FOCAD: variants seen among roughly 807,000 people sequenced by gnomAD.
FOCAD encodes the protein focadhesin.
Under a neutral mutation model 225.6 loss-of-function variants are expected in FOCAD, and 198 were observed. That is an observed-to-expected ratio of 0.88 (90% CI 0.78 to 0.99). FOCAD has a LOEUF of 0.99. Among genes scored for constraint, FOCAD ranks in the 50% least tolerant of loss-of-function variants. FOCAD has a pLI of 0.00. For synonymous variants in FOCAD, 897 were observed against 755.0 expected, an observed-to-expected ratio of 1.19 and a Z score of -3.08; for missense variants, 2,713 against 2,123.6, an observed-to-expected ratio of 1.28 and a Z score of -5.46.
In FOCAD at chr9:20,738,374, T is replaced by C. The variant is rs746969142; in HGVS notation, c.288-1862T>C. 3.3e-5 allele frequency among the ~76,000 whole-genome samples: 5 copies of C among 152,216 alleles called. No individual in the cohort carries two copies. In the South Asian group the frequency reaches 8.3e-4, roughly 25 times the overall value. ...GTTACAGTGAGATTCACTGGCCATT[T>C]TGTGGGCCAAAGTACCATAGAATTG... On this transcript the variant is annotated intron_variant, in intron 4 of 43. Coordinates refer to ENST00000338382, the MANE Select transcript of FOCAD (RefSeq NM_001375567.1).
intron 11 of FOCAD, among the ~76,000 whole-genome samples, chr9:20,797,502 G>T (rs557826888): frequency 1.9e-3 from 286 of 152,100 alleles, no homozygotes; most frequent in Middle Eastern, 6.8e-3. Context: ...TTGAGCAGTG[G>T]TTTGTAGTTC....
intron 18 of FOCAD, among the ~76,000 whole-genome samples, chr9:20,868,626 T>C (rs1829492095): frequency 6.6e-6 from 1 of 152,108 alleles, no homozygotes; most frequent in African/African-American, 2.4e-5. Context: ...TTTCTATATA[T>C]GTTTGGGTTT....
chr9:20,980,339 G>A (rs541849288), intron 37 of FOCAD, among the ~76,000 whole-genome samples: 9 of 152,186 alleles, frequency 5.9e-5, no homozygotes, highest in African/African-American at 2.2e-4. Context: ...TCAAAGCCCT[G>A]TTCTATTCAC....
intron 1 of FOCAD, chr9:20,684,641 C>G (rs1822548511): frequency 6.6e-6 from 1 of 152,410 alleles, no homozygotes; most frequent in African/African-American, 2.4e-5. Flanking sequence ...CGGCGCGATC[C>G]TTGCATACTT....
chr9:20,764,796 T>G, intron 6 of FOCAD, 73 bp from the exon 7 acceptor site: 1 of 1,127,522 alleles, frequency 8.9e-7, no homozygotes, highest in Non-Finnish European at 1.3e-6. Flanking sequence ...GAACTATAAG[T>G]TGATATTTGC....
chr9:20,958,085 A>T (rs1838366081), intron 35 of FOCAD, among the ~76,000 whole-genome samples: 1 of 133,526 alleles, frequency 7.5e-6, no homozygotes, highest in African/African-American at 2.7e-5. Flanking sequence ...CTTCAGGCAA[A>T]CTGTGTCTGT....
intron 4 of FOCAD, among the ~76,000 whole-genome samples, chr9:20,734,594 A>G (rs929923432): frequency 6.6e-6 from 1 of 152,092 alleles, no homozygotes; most frequent in Admixed American, 6.5e-5. Flanking sequence ...AATGACAGAC[A>G]TGTGTTTTTT....
rs770165282 is a variant in FOCAD, at chr9:20,949,690, T to G, written c.3948+15T>G. The G allele has an allele frequency of 1.0e-5, 16 of 1,601,338 alleles. No individual in the cohort carries two copies. Among genetic ancestry groups the G allele is most frequent in the Non-Finnish European group, 1.4e-5 (16 of 1,169,220 alleles). On this transcript the variant is annotated intron_variant, in intron 33 of 43. Coordinates refer to ENST00000338382, the MANE Select transcript of FOCAD (RefSeq NM_001375567.1). The stretch of plus-strand genomic sequence containing the variant: ...CCTTAACTCAGGTGAGAAAATGAAT[T>G]TAAAATCCTTGGGTGGAAAACATAT...
chr9:20,925,943 T>C (rs1834895647), intron 25 of FOCAD, among the ~76,000 whole-genome samples: 1 of 152,250 alleles, frequency 6.6e-6, no homozygotes, highest in Non-Finnish European at 1.5e-5. Flanking sequence ...TGAGAAATTT[T>C]GAATTATGTT....
intron 21 of FOCAD, among the ~76,000 whole-genome samples, chr9:20,894,190 AT>A (rs1831874554): frequency 6.6e-6 from 1 of 152,032 alleles, no homozygotes. Context: ...TTCTGCATGT[AT>A]TTTCGTTGCT....
At chr9:20,893,121 G>A (rs1006469822) in intron 21 of FOCAD, among the ~76,000 whole-genome samples, 2 of 152,066 alleles carry the variant, frequency 1.3e-5, no homozygotes, top group African/African-American at 4.8e-5. Flanking sequence ...CAACTCCTGG[G>A]CCCAAGGGAT....
intron 29 of FOCAD, 26 bp from the exon 30 acceptor site, chr9:20,946,675 A>G (rs762785480): frequency 3.1e-6 from 5 of 1,590,654 alleles, no homozygotes; most frequent in South Asian, 1.1e-5. Context: ...CTGAAGACAT[A>G]TTTTTCTGCT....
intron 15 of FOCAD, among the ~76,000 whole-genome samples, chr9:20,862,020 G>T (rs186951521): frequency 3.5e-4 from 53 of 152,102 alleles, no homozygotes; most frequent in Middle Eastern, 3.4e-3. Flanking sequence ...TAAAAAACCG[G>T]AATTAACTTT....
intron 4 of FOCAD, among the ~76,000 whole-genome samples, chr9:20,724,387 T>C (rs745537774): frequency 6.6e-6 from 1 of 152,198 alleles, no homozygotes; most frequent in Non-Finnish European, 1.5e-5. Flanking sequence ...TTGGCCAACA[T>C]GTGGAAGAAA....
chr9:20,972,739 A>G (rs1341993030), intron 35 of FOCAD, among the ~76,000 whole-genome samples: 1 of 151,968 alleles, frequency 6.6e-6, no homozygotes, highest in Non-Finnish European at 1.5e-5. Flanking sequence ...TGCTGATTCC[A>G]CATAGCTTCT....
intron 1 of FOCAD, among the ~76,000 whole-genome samples, chr9:20,710,609 T>A (rs74871044): frequency 4.2e-4 from 63 of 150,052 alleles, no homozygotes; most frequent in Admixed American, 1.3e-3. Flanking sequence ...AAAAAAAAAA[T>A]AATAATATAA....
chr9:20,874,822 G>C lies in FOCAD; in HGVS notation c.2317+15G>C, dbSNP rs1428225815. 3 of 1,613,192 alleles carry C rather than the reference G, an allele frequency of 1.9e-6. No individual in the cohort carries two copies. In the African/African-American group the frequency reaches 4.0e-5, roughly 22 times the overall value. On this transcript the variant is annotated intron_variant, in intron 19 of 43. Transcript: ENST00000338382. The stretch of plus-strand genomic sequence containing the variant: ...GGTTTTACCAGGTGACTCCTATTTG[G>C]TAGTAGAGAAGCTAGCATTTTTTAG...
chr9:20,871,097 G>A (rs940720070), intron 18 of FOCAD, among the ~76,000 whole-genome samples: 2 of 151,880 alleles, frequency 1.3e-5, no homozygotes, highest in Non-Finnish European at 2.9e-5. Flanking sequence ...CCAGCTACTC[G>A]GGAGGCTGAG....
At chr9:20,822,688 C>A (rs891977519) in intron 14 of FOCAD, among the ~76,000 whole-genome samples, 7 of 151,914 alleles carry the variant, frequency 4.6e-5, no homozygotes, top group Non-Finnish European at 5.9e-5. Context: ...TTCTTTTTAC[C>A]ATTATTACAG....
Sources: gnomAD v4.1 joint callset for allele counts (sites outside exome capture counted in the v4.1 genomes callset) on GRCh38, gnomAD v4.1.1 for gene constraint, MANE v1.5 for transcripts, NCBI Gene and HGNC (gene_info 2026-07-23, HGNC 2026-07-21) for gene names.